Variants in SLC9A9 observed in about 807,000 individuals in gnomAD.
SLC9A9 encodes the protein solute carrier family 9 member A9.
Under a neutral mutation model 77.8 loss-of-function variants are expected in SLC9A9, and 62 were observed. That is an observed-to-expected ratio of 0.80 (90% CI 0.65 to 0.98). The LOEUF (loss-of-function observed/expected upper bound fraction) is 0.98, where lower values mean the gene tolerates loss of function less well. SLC9A9 is among the 50% of genes least tolerant of loss of function. The probability of loss-of-function intolerance (pLI) is 0.00; values close to 1 mark genes in which losing one functional copy is unlikely to be tolerated. For synonymous variants in SLC9A9, 320 were observed against 283.5 expected (o/e 1.13, Z -1.29); for missense variants, 775 against 774.9 (o/e 1.00, Z 0.00).
intron 5 of SLC9A9, among the ~76,000 whole-genome samples, chr3:143,654,170 A>C (rs939606806): frequency 1.3e-5 from 2 of 152,250 alleles, no homozygotes; most frequent in African/African-American, 4.8e-5. Flanking sequence ...CATGCGAGGT[A>C]ATACATATAT....
intron 14 of SLC9A9, among the ~76,000 whole-genome samples, chr3:143,289,562 C>T (rs1347033203): frequency 6.6e-6 from 1 of 152,140 alleles, no homozygotes; most frequent in Non-Finnish European, 1.5e-5. Context: ...CATGCTCAAG[C>T]ATGGGTGCTA....
chr3:143,795,403 G>T (rs1238241744), intron 3 of SLC9A9, among the ~76,000 whole-genome samples: 1 of 152,048 alleles, frequency 6.6e-6, no homozygotes, highest in Non-Finnish European at 1.5e-5. Flanking sequence ...CCAGAATCGG[G>T]GCAATAATGG....
At chr3:143,665,949 G>A (rs1162947620) in intron 5 of SLC9A9, among the ~76,000 whole-genome samples, 1 of 152,308 alleles carries the variant, frequency 6.6e-6, no homozygotes, top group East Asian at 1.9e-4. Flanking sequence ...GCAATCAATA[G>A]AAAAAGACGG....
chr3:143,288,681 G>A (rs1406391997), intron 14 of SLC9A9, among the ~76,000 whole-genome samples: 2 of 152,144 alleles, frequency 1.3e-5, no homozygotes, highest in African/African-American at 2.4e-5. Context: ...TGGCAGTGAT[G>A]TTCCACAAAG....
chr3:143,709,488 GAGT>G (rs1934084454), intron 4 of SLC9A9, among the ~76,000 whole-genome samples: 1 of 152,242 alleles, frequency 6.6e-6, no homozygotes, highest in Non-Finnish European at 1.5e-5. Context: ...GCCACACTTT[GAGT>G]ATGAAACTCG....
chr3:143,575,512 G>T (rs11719391), intron 7 of SLC9A9, among the ~76,000 whole-genome samples: 32,549 of 151,884 alleles, frequency 0.21, 3,506 homozygotes, highest in Middle Eastern at 0.34. Context: ...TTAATTTTTG[G>T]TTTTTTTTGG....
chr3:143,286,365 G>C (rs1938382576), intron 14 of SLC9A9, among the ~76,000 whole-genome samples: 1 of 152,194 alleles, frequency 6.6e-6, no homozygotes, highest in Non-Finnish European at 1.5e-5. Context: ...CATACAGGCT[G>C]TGACCTTCCT....
At chr3:143,612,164 A>C (rs775065278) in intron 6 of SLC9A9, among the ~76,000 whole-genome samples, 5 of 152,290 alleles carry the variant, frequency 3.3e-5, no homozygotes, top group Non-Finnish European at 2.9e-5. Flanking sequence ...AGAGGCGTTG[A>C]CCCTATTCAC....
In SLC9A9 at chr3:143,556,319, C is replaced by T. The variant is rs116883616; in HGVS notation, c.1001-3869G>A. The stretch of plus-strand genomic sequence containing the variant: ...GCCAGTCATCAAACCAGTGTCTCAG[C>T]TCCAAACCCACGTATCTTTACTGGC... On this transcript the variant is annotated intron_variant, in intron 8 of 15. Transcript: ENST00000316549. Among the ~76,000 whole-genome samples, 138 of 152,320 alleles carry T rather than the reference C, an allele frequency of 9.1e-4. 3 individuals are homozygous for T. In the East Asian group the frequency reaches 0.021, roughly 24 times the overall value.
At chr3:143,400,365 A>G (rs951885369) in intron 12 of SLC9A9, among the ~76,000 whole-genome samples, 2 of 152,222 alleles carry the variant, frequency 1.3e-5, no homozygotes, top group Non-Finnish European at 2.9e-5. Context: ...TAAAAAAGAA[A>G]GGAATTAATG....
intron 9 of SLC9A9, among the ~76,000 whole-genome samples, chr3:143,530,123 G>A (rs1417318362): frequency 6.6e-6 from 1 of 152,222 alleles, no homozygotes; most frequent in East Asian, 1.9e-4. Context: ...TGAGTTTAGA[G>A]GGCTGTGGCT....
intron 8 of SLC9A9, 142 bp downstream of exon 8, chr3:143,573,946 G>C (rs1465041178): frequency 7.0e-6 from 5 of 715,664 alleles, no homozygotes; most frequent in Admixed American, 2.1e-5. Context: ...GTACCCAAGA[G>C]AGGCTGATTC....
At chr3:143,812,171 T>G (rs1156809221) in intron 2 of SLC9A9, among the ~76,000 whole-genome samples, 1 of 152,236 alleles carries the variant, frequency 6.6e-6, no homozygotes, top group Non-Finnish European at 1.5e-5. Flanking sequence ...TACTTTGTAT[T>G]ACTCCTAAGA....
intron 14 of SLC9A9, among the ~76,000 whole-genome samples, chr3:143,277,167 G>A (rs528544628): frequency 2.0e-5 from 3 of 152,314 alleles, no homozygotes; most frequent in East Asian, 3.9e-4. Context: ...CTTAAGTAGG[G>A]CAGATGGACA....
chr3:143,610,934 A>G (rs1461673907), intron 6 of SLC9A9, among the ~76,000 whole-genome samples: 1 of 152,146 alleles, frequency 6.6e-6, no homozygotes, highest in Non-Finnish European at 1.5e-5. Context: ...ACGGTTACTC[A>G]GTCTGGGCTT....
chr3:143,310,843 G>T (rs2030992570), intron 14 of SLC9A9, among the ~76,000 whole-genome samples: 1 of 152,162 alleles, frequency 6.6e-6, no homozygotes, highest in Admixed American at 6.5e-5. Flanking sequence ...TGTGAACAGA[G>T]AATCAGAAGG....
chr3:143,421,911 A>T (rs769159087), intron 12 of SLC9A9, among the ~76,000 whole-genome samples: 2 of 152,208 alleles, frequency 1.3e-5, no homozygotes, highest in Non-Finnish European at 2.9e-5. Context: ...GAATAATCCC[A>T]TGAAAAAGTG....
chr3:143,651,775 T>C (rs1215508984), intron 6 of SLC9A9, among the ~76,000 whole-genome samples: 3 of 152,218 alleles, frequency 2.0e-5, no homozygotes, highest in Admixed American at 2.0e-4. Context: ...CGTCATGTGA[T>C]GTTTTAAAGA....
intron 2 of SLC9A9, among the ~76,000 whole-genome samples, chr3:143,806,995 T>C (rs1459414450): frequency 2.0e-5 from 3 of 152,202 alleles, no homozygotes; most frequent in African/African-American, 7.2e-5. Flanking sequence ...TTGGGCATTG[T>C]CAGAACCTCC....
Sources: allele counts gnomAD v4.1 joint callset (sites outside exome capture counted in the v4.1 genomes callset), GRCh38; gene constraint gnomAD v4.1.1; transcripts MANE v1.5; gene names NCBI Gene and HGNC (gene_info 2026-07-23, HGNC 2026-07-21).